LRRIQ1: variants seen among roughly 807,000 people sequenced by gnomAD.
LRRIQ1 encodes leucine-rich repeat- and IQ domain-containing protein 1.
In LRRIQ1, 210 loss-of-function variants were observed where a neutral mutation model predicts 211.9. The observed-to-expected ratio is 0.99, with a 90% CI of 0.89 to 1.11. The LOEUF is 1.11. LRRIQ1 is among the 50% of genes most tolerant of loss of function. The pLI, the probability that LRRIQ1 is intolerant of heterozygous loss-of-function variation, is 0.00. For synonymous variants in LRRIQ1, 699 were observed against 650.1 expected (o/e 1.08, Z -1.14); for missense variants, 2,136 against 1,939.5 (o/e 1.10, Z -1.90).
At chr12:85,049,889 C>G (rs142577330) in intron 6 of LRRIQ1, among the ~76,000 whole-genome samples, 226 of 152,214 alleles carry the variant, frequency 1.5e-3, no homozygotes, top group African/African-American at 5.3e-3. Flanking sequence ...TTTTACTTTC[C>G]CTTGACTTCT....
intron 19 of LRRIQ1, among the ~76,000 whole-genome samples, chr12:85,151,521 A>G (rs1004243763): frequency 4.0e-5 from 6 of 151,754 alleles, no homozygotes; most frequent in Non-Finnish European, 8.8e-5. Flanking sequence ...ACAGAAACAT[A>G]GAAATTAATT....
intron 1 of LRRIQ1, among the ~76,000 whole-genome samples, chr12:85,254,547 C>CT (rs957716952): frequency 2.6e-5 from 4 of 152,004 alleles, no homozygotes; most frequent in Non-Finnish European, 5.9e-5. Context: ...TGCTTGCATG[C>CT]TTTTTAATAT....
Position 85,200,628 on chromosome 12 carries a change from G to A in LRRIQ1, c.4823-28889G>A, listed in dbSNP as rs180737060. ...GGTGGCTCTTATTATTCTGAAACATGTTCCTTCAATGCCTAGTTCGTTGAA... is the reference window on the plus strand; with the variant it reads ...GGTGGCTCTTATTATTCTGAAACATATTCCTTCAATGCCTAGTTCGTTGAA... On this transcript the variant is annotated intron_variant, in intron 24 of 26. Transcript: ENST00000393217. Among the ~76,000 whole-genome samples the A allele has an allele frequency of 2.5e-3, 387 of 152,136 alleles. 4 individuals carry two copies. Among genetic ancestry groups the A allele is most frequent in the African/African-American group, 9.2e-3 (380 of 41,512 alleles).
intron 1 of LRRIQ1, among the ~76,000 whole-genome samples, chr12:85,251,354 T>C (rs1376010052): frequency 6.6e-6 from 1 of 151,886 alleles, no homozygotes; most frequent in Non-Finnish European, 1.5e-5. Context: ...GGAAAAACTG[T>C]TAACTAGAGA....
chr12:85,093,456 G>A (rs894816814), intron 11 of LRRIQ1, among the ~76,000 whole-genome samples: 1 of 152,156 alleles, frequency 6.6e-6, no homozygotes. Context: ...GTTTGCACAC[G>A]TACGTGAGAA....
chr12:85,270,966 G>A, the LRRIQ1 span, among the ~76,000 whole-genome samples: 1 of 152,096 alleles, frequency 6.6e-6, no homozygotes, highest in Non-Finnish European at 1.5e-5. Context: ...TAACCAGTTA[G>A]CCAAACTTGC....
At chr12:85,060,096 A>G (rs1240579619) in intron 8 of LRRIQ1, among the ~76,000 whole-genome samples, 2 of 151,890 alleles carry the variant, frequency 1.3e-5, no homozygotes, top group Non-Finnish European at 2.9e-5. Flanking sequence ...CACAAACTGG[A>G]ACAGCAATAT....
chr12:85,090,314 A>T (rs1157112337), intron 11 of LRRIQ1, among the ~76,000 whole-genome samples: 2 of 152,192 alleles, frequency 1.3e-5, no homozygotes, highest in Non-Finnish European at 2.9e-5. Flanking sequence ...GGCCCGACAC[A>T]GTCTCTACTG....
intron 18 of LRRIQ1, among the ~76,000 whole-genome samples, chr12:85,130,349 A>G (rs1367225094): frequency 6.6e-6 from 1 of 152,200 alleles, no homozygotes; most frequent in Non-Finnish European, 1.5e-5. Context: ...TTTGCTACCT[A>G]AGGAATGTAG....
chr12:85,165,675 G>A (rs533156261), intron 24 of LRRIQ1, among the ~76,000 whole-genome samples: 3 of 151,864 alleles, frequency 2.0e-5, no homozygotes, highest in South Asian at 2.1e-4. Context: ...GGGTTTCACC[G>A]TGTTGCCCAG....
At chr12:85,217,500 ATATATATATG>A (rs1894165157) in intron 24 of LRRIQ1, among the ~76,000 whole-genome samples, 2 of 81,564 alleles carry the variant, frequency 2.5e-5, no homozygotes, top group Non-Finnish European at 4.2e-5. Flanking sequence ...ATGTATATAT[ATATATATATG>A]TGTGTGTGTG....
chr12:85,114,619 A>T (rs1887440588), intron 15 of LRRIQ1, among the ~76,000 whole-genome samples: 1 of 152,166 alleles, frequency 6.6e-6, no homozygotes, highest in African/African-American at 2.4e-5. Flanking sequence ...TGTTGAGTTT[A>T]TGTGATTTAG....
chr12:85,169,563 C>T (rs1033431234), intron 24 of LRRIQ1, among the ~76,000 whole-genome samples: 1 of 152,076 alleles, frequency 6.6e-6, no homozygotes, highest in Non-Finnish European at 1.5e-5. Flanking sequence ...TATTTTGTAG[C>T]TTTCGTATTT....
chr12:85,153,550 T>C, intron 21 of LRRIQ1, 113 bp from the exon 22 acceptor site: 2 of 700,494 alleles, frequency 2.9e-6, no homozygotes, highest in Non-Finnish European at 4.8e-6. Flanking sequence ...TAATGTTTTT[T>C]GCTAACTTAG....
At chr12:85,095,283 G>T (rs1885773250) in intron 11 of LRRIQ1, among the ~76,000 whole-genome samples, 1 of 152,068 alleles carries the variant, frequency 6.6e-6, no homozygotes, top group Non-Finnish European at 1.5e-5. Flanking sequence ...TTTGAGTTAT[G>T]TTCTTTAAGT....
At chr12:85,080,211 T>C (rs555564278) in intron 11 of LRRIQ1, among the ~76,000 whole-genome samples, 33 of 152,154 alleles carry the variant, frequency 2.2e-4, no homozygotes, top group Non-Finnish European at 4.3e-4. Flanking sequence ...CCTTGAAATA[T>C]AATTTTCTTT....
In LRRIQ1 at chr12:85,065,504, C is replaced by G. The variant is rs1233913721; in HGVS notation, c.2544+90C>G. 2.8e-6 allele frequency: 3 copies of G among 1,081,252 alleles called. No individual in the cohort carries two copies. The Admixed American group carries it at 9.0e-5, about 33-fold the overall frequency. 67.0% of individuals were successfully genotyped at this position (1,081,252 alleles called of 1,614,324 possible). On this transcript the variant is annotated intron_variant, in intron 9 of 26. Coordinates refer to ENST00000393217, the MANE Select transcript of LRRIQ1 (RefSeq NM_001079910.2). Reference sequence around the variant, plus strand: ...TTCAGAAATGACCCTTTTGAAGAAACAATTACTAAACTAACCTGTAACTCA... The same window carrying G: ...TTCAGAAATGACCCTTTTGAAGAAAGAATTACTAAACTAACCTGTAACTCA...
At chr12:85,146,037 G>A (rs1214168396) in intron 19 of LRRIQ1, among the ~76,000 whole-genome samples, 1 of 151,714 alleles carries the variant, frequency 6.6e-6, no homozygotes, top group Non-Finnish European at 1.5e-5. Flanking sequence ...CATGGTTCAT[G>A]CAATTAAGGT....
chr12:85,178,121 CTT>C (rs1891805640), intron 24 of LRRIQ1, among the ~76,000 whole-genome samples: 1 of 152,018 alleles, frequency 6.6e-6, no homozygotes, highest in Non-Finnish European at 1.5e-5. Context: ...TTCCTTCTCT[CTT>C]AGCAATTGGT....
Sources: gnomAD v4.1 joint callset for allele counts (sites outside exome capture counted in the v4.1 genomes callset) on GRCh38, gnomAD v4.1.1 for gene constraint, MANE v1.5 for transcripts, NCBI Gene and HGNC (gene_info 2026-07-23, HGNC 2026-07-21) for gene names.